The following CTTNBP2 variants were observed in gnomAD, a reference collection of about 807,000 sequenced individuals.
The protein encoded by CTTNBP2 is cortactin binding protein 2.
A neutral mutation model predicts 156.9 loss-of-function variants in CTTNBP2; 108 were observed. That is an observed-to-expected ratio of 0.69 (90% confidence interval 0.59 to 0.81). The LOEUF (loss-of-function observed/expected upper bound fraction) is 0.81. Ranked by LOEUF, CTTNBP2 falls within the 30% of genes least tolerant of loss-of-function variation. CTTNBP2 has a pLI of 0.00. For missense variants in CTTNBP2, 1,924 were observed against 2,035.4 expected, an observed-to-expected ratio of 0.95 and a Z score of 1.05; for synonymous variants, 767 against 751.8, an observed-to-expected ratio of 1.02 and a Z score of -0.33.
chr7:117,718,687 T>C (rs1459852129), intron 21 of CTTNBP2, among the ~76,000 whole-genome samples: 1 of 152,224 alleles, frequency 6.6e-6, no homozygotes, highest in African/African-American at 2.4e-5. Flanking sequence ...CTGTTTTCCA[T>C]ATTTGGTCTC....
intron 16 of CTTNBP2, among the ~76,000 whole-genome samples, chr7:117,729,837 C>A (rs1795307935): frequency 6.6e-6 from 1 of 152,032 alleles, no homozygotes; most frequent in Non-Finnish European, 1.5e-5. Context: ...TCAAGAAAGA[C>A]AAATAGATGA....
intron 2 of CTTNBP2, among the ~76,000 whole-genome samples, chr7:117,853,639 G>A (rs1803074028): frequency 6.6e-6 from 1 of 152,120 alleles, no homozygotes; most frequent in Non-Finnish European, 1.5e-5. Context: ...CCCCATAATT[G>A]TGATCATCTT....
chr7:117,846,908 G>T (rs1363174248), intron 2 of CTTNBP2, among the ~76,000 whole-genome samples: 1 of 151,748 alleles, frequency 6.6e-6, no homozygotes, highest in South Asian at 2.1e-4. Flanking sequence ...TATTAAAGGG[G>T]CAGCTTAACT....
rs1249566148 is a variant in CTTNBP2 at position 117,757,957 on chromosome 7, C to A, written c.3186G>T (p.Trp1062Cys). 2 of 1,612,430 alleles carry A rather than the reference C, an allele frequency of 1.2e-6. No homozygotes were observed. Among genetic ancestry groups the A allele is most frequent in the Admixed American group, 1.7e-5 (1 of 59,692 alleles). Residue 1062 changes from tryptophan (W) to cysteine (C), a missense_variant, in exon 11 of 23, where the codon TGG (tryptophan) becomes TGT (cysteine). By Grantham distance (215) the Trp-to-Cys change is radical. Transcript: ENST00000160373. ...IRSITLGNVP[W>C]SVGQSFAQSP... ...ACTGCGCGAAGCTCTGACCCACTGACCACGGCACATTTCCTAGTTTCAAAA... is the reference window on the plus strand; with the variant it reads ...ACTGCGCGAAGCTCTGACCCACTGAACACGGCACATTTCCTAGTTTCAAAA...
In CTTNBP2 at chr7:117,721,028, CTTTG is replaced by C. The variant is rs765655084; in HGVS notation, c.4511+35_4511+38del. 1.2e-4 allele frequency: 147 copies of C among 1,243,516 alleles called. 1 individual carries two copies. In the African/African-American group the frequency reaches 1.6e-3, roughly 14 times the overall value. 77.0% of individuals were successfully genotyped at this position (1,243,516 alleles called of 1,614,324 possible). A position where few individuals can be genotyped will look rare whatever the true frequency, so the allele number is the denominator to read the frequency against. On this transcript the variant is annotated intron_variant, in intron 20 of 22. Coordinates refer to ENST00000160373, the MANE Select transcript of CTTNBP2 (RefSeq NM_033427.3). ...TAGTAATTGAAGTTACTTGATTTATCTTTGTTTGCTGTGAGTTAAATTTGAAAGG... is the reference window on the plus strand; with the variant it reads ...TAGTAATTGAAGTTACTTGATTTATCTTTGCTGTGAGTTAAATTTGAAAGG...
At chr7:117,751,415 C>T (rs1562972429) in intron 12 of CTTNBP2, among the ~76,000 whole-genome samples, 2 of 152,176 alleles carry the variant, frequency 1.3e-5, no homozygotes, top group Admixed American at 1.3e-4. Flanking sequence ...AAATTGGGAC[C>T]GTTAAAATCA....
chr7:117,756,435 C>T (rs762846578), intron 12 of CTTNBP2, 120 bp downstream of exon 12: 30 of 742,640 alleles, frequency 4.0e-5, no homozygotes, highest in South Asian at 3.3e-4. Context: ...GGGAAGGTAA[C>T]GGTGTCAGAG....
chr7:117,851,096 C>T (rs1273169652), intron 2 of CTTNBP2, among the ~76,000 whole-genome samples: 1 of 152,060 alleles, frequency 6.6e-6, no homozygotes, highest in Non-Finnish European at 1.5e-5. Flanking sequence ...TTTGCTGTCA[C>T]CAGTTAGAAA....
In CTTNBP2 at chr7:117,747,212, C is replaced by G. The variant is rs140368088; in HGVS notation, c.3349-1113G>C. Reference sequence around the variant, plus strand: ...CTTAGAGAAGTTTTGAGTTTGTTCTCTCTATAATCTAGAACAGGACAATGT... The same window carrying G: ...CTTAGAGAAGTTTTGAGTTTGTTCTGTCTATAATCTAGAACAGGACAATGT... On this transcript the variant is annotated intron_variant, in intron 12 of 22. Transcript: ENST00000160373. Among the ~76,000 whole-genome samples, 36 of 152,274 alleles carry G rather than the reference C, an allele frequency of 2.4e-4. No homozygotes were observed. The East Asian group carries it at 5.8e-3, about 25-fold the overall frequency.
intron 2 of CTTNBP2, among the ~76,000 whole-genome samples, chr7:117,811,418 A>G (rs919713522): frequency 6.6e-6 from 1 of 151,590 alleles, no homozygotes; most frequent in East Asian, 1.9e-4. Context: ...CTCCTGCCTC[A>G]GCCTGTCTTA....
At chr7:117,739,327 A>AC (rs1393945297) in intron 14 of CTTNBP2, among the ~76,000 whole-genome samples, 1 of 152,116 alleles carries the variant, frequency 6.6e-6, no homozygotes, top group Non-Finnish European at 1.5e-5. Flanking sequence ...AAGGCCACAC[A>AC]CCCCATGTTA....
At chr7:117,765,715 A>G (rs1006760565) in intron 9 of CTTNBP2, among the ~76,000 whole-genome samples, 3 of 152,190 alleles carry the variant, frequency 2.0e-5, no homozygotes, top group Non-Finnish European at 4.4e-5. Flanking sequence ...CCAACTGAGG[A>G]CACATCATTA....
chr7:117,734,068 C>A (rs1795549223), intron 16 of CTTNBP2, among the ~76,000 whole-genome samples: 1 of 152,238 alleles, frequency 6.6e-6, no homozygotes. Flanking sequence ...ACAGTGTCTG[C>A]AGCCTTGTGG....
chr7:117,812,564 G>T (rs1800354945), intron 2 of CTTNBP2, among the ~76,000 whole-genome samples: 1 of 151,940 alleles, frequency 6.6e-6, no homozygotes, highest in Non-Finnish European at 1.5e-5. Context: ...AAAAAGTCCA[G>T]TTTCACAATT....
At chr7:117,773,094 C>T (rs1307621838) in intron 8 of CTTNBP2, among the ~76,000 whole-genome samples, 1 of 152,200 alleles carries the variant, frequency 6.6e-6, no homozygotes, top group Admixed American at 6.5e-5. Flanking sequence ...TTCTATTTAT[C>T]ATGATAAAAA....
intron 9 of CTTNBP2, among the ~76,000 whole-genome samples, chr7:117,766,726 T>A (rs974777795): frequency 1.3e-5 from 2 of 152,126 alleles, no homozygotes; most frequent in African/African-American, 2.4e-5. Context: ...TGATGCAGAG[T>A]ACATAGCTGG....
rs760088337 is a variant in CTTNBP2 at position 117,873,371 on chromosome 7, G to A, written c.45C>T (p.Ala15=). The A allele has an allele frequency of 3.4e-6, 5 of 1,478,646 alleles. No individual in the cohort carries two copies. The highest frequency in any genetic ancestry group is 2.9e-5 in the East Asian group (1 of 34,538). 91.6% of individuals were successfully genotyped at this position (1,478,646 alleles called of 1,614,324 possible). ...GASCEPDLSR[A]PEDAAGAAAE... Reference sequence around the variant, plus strand: ...CCGCGGCCCCCGCCGCGTCCTCCGGGGCCCGGGACAAGTCGGGCTCGCAGC... The same window carrying A: ...CCGCGGCCCCCGCCGCGTCCTCCGGAGCCCGGGACAAGTCGGGCTCGCAGC... Residue 15 remains alanine, a synonymous_variant, in exon 1 of 23, where the codon GCC becomes GCT. Coordinates refer to ENST00000160373, the MANE Select transcript of CTTNBP2 (RefSeq NM_033427.3).
At chr7:117,775,584 CTTTT>C (rs35808637) in intron 8 of CTTNBP2, among the ~76,000 whole-genome samples, 1 of 138,442 alleles carries the variant, frequency 7.2e-6, no homozygotes. Context: ...TTTGTTTTTC[CTTTT>C]TTTTTTTTGC....
intron 16 of CTTNBP2, among the ~76,000 whole-genome samples, chr7:117,732,886 G>C (rs765859994): frequency 2.4e-4 from 36 of 152,124 alleles, no homozygotes; most frequent in Non-Finnish European, 4.4e-4. Context: ...CTGAGGCTTT[G>C]GGATCTGTTA....
Sources: gnomAD v4.1 joint callset for allele counts (sites outside exome capture counted in the v4.1 genomes callset) on GRCh38, gnomAD v4.1.1 for gene constraint, MANE v1.5 for transcripts, NCBI Gene and HGNC (gene_info 2026-07-23, HGNC 2026-07-21) for gene names.